The following NR4A3 variants were observed in gnomAD, a reference collection of about 807,000 sequenced individuals.
NR4A3 encodes the protein nuclear receptor subfamily 4 group A member 3, also known as chondrosarcoma, extraskeletal myxoid, fused to EWS.
NR4A3 carries 13 observed loss-of-function variants against 55.6 expected under a neutral mutation model. The ratio of observed to expected loss-of-function variants is 0.23; its 90% CI spans 0.15 to 0.37. The LOEUF is 0.37. NR4A3 is among the 10% of genes least tolerant of loss of function. NR4A3 has a pLI of 1.00. For synonymous variants in NR4A3, 342 were observed against 357.9 expected, an observed-to-expected ratio of 0.96 and a Z score of 0.50; for missense variants, 646 against 822.8, an observed-to-expected ratio of 0.79 and a Z score of 2.63.
At position 99,865,301 on chromosome 9, in the gene NR4A3, A is replaced by AATATAT. The variant is rs34711370; in HGVS notation, c.*1446_*1451dup. The AATATAT allele has an allele frequency of 3.7e-5, 6 of 163,964 alleles. No homozygotes were observed. Among genetic ancestry groups the AATATAT allele is most frequent in the African/African-American group, 1.2e-4 (5 of 40,832 alleles). 10.2% of individuals were successfully genotyped at this position (163,964 alleles called of 1,614,324 possible). ...ACACCAATTAGAAATTAAATAAGCAAATATATATATATATATAAATATAGC... is the reference window on the plus strand; with the variant it reads ...ACACCAATTAGAAATTAAATAAGCAAATATATATATATATATATATATAAATATAGC... On this transcript the variant is annotated 3_prime_UTR_variant, in exon 8 of 8. Transcript: ENST00000395097. This position sits in a 1 kb window ranked among gnomAD's most constrained non-coding sequence, Gnocchi z 4.3.
rs1827212569 is a variant in NR4A3, at chr9:99,822,991, A to G, written c.-177+584A>G. ...ACCTCAGGAAAGAGGGCGTAATTGT[A>G]GGAATGTGGCTTATTGTATTGAAAT... On this transcript the variant is annotated intron_variant, in intron 1 of 7. Coordinates refer to ENST00000395097, the MANE Select transcript of NR4A3 (RefSeq NM_006981.4). This position sits in a 1 kb window ranked among gnomAD's most constrained non-coding sequence, Gnocchi z 4.9. 6.6e-6 allele frequency among the ~76,000 whole-genome samples: 1 copy of G among 152,182 alleles called. No homozygotes were observed. The highest frequency in any genetic ancestry group is 2.4e-5 in the African/African-American group (1 of 41,448).
intron 7 of NR4A3, among the ~76,000 whole-genome samples, chr9:99,861,623 G>A (rs912413398): frequency 2.6e-5 from 4 of 152,160 alleles, no homozygotes; most frequent in Non-Finnish European, 5.9e-5. Context: ...CCCCAAAGTG[G>A]GAGGAACTTC....
chr9:99,860,415 C>T (rs1827992902), intron 7 of NR4A3, among the ~76,000 whole-genome samples: 1 of 152,122 alleles, frequency 6.6e-6, no homozygotes, highest in Admixed American at 6.5e-5. Flanking sequence ...TCCATGTATA[C>T]AGTTTTATTC....
chr9:99,837,428 C>T (rs1469448318), intron 5 of NR4A3, among the ~76,000 whole-genome samples: 1 of 152,136 alleles, frequency 6.6e-6, no homozygotes, highest in East Asian at 1.9e-4. Context: ...ATGTCGGTGA[C>T]AGAGTAGAGG....
At chr9:99,852,685 A>G (rs542595114) in intron 7 of NR4A3, among the ~76,000 whole-genome samples, 84 of 152,172 alleles carry the variant, frequency 5.5e-4, no homozygotes, top group Non-Finnish European at 9.3e-4. Context: ...CAGGTGAGAA[A>G]ATGACTCCTT....
At chr9:99,826,938 T>G (rs1827306822) in intron 2 of NR4A3, 4 of 606,588 alleles carry the variant, frequency 6.6e-6, no homozygotes, top group Non-Finnish European at 1.1e-5. Flanking sequence ...AAAACCGCCG[T>G]TTTTTACCAT....
At chr9:99,862,451 A>G (rs1360898488) in intron 7 of NR4A3, among the ~76,000 whole-genome samples, 1 of 149,990 alleles carries the variant, frequency 6.7e-6, no homozygotes, top group African/African-American at 2.5e-5. Context: ...AGGGTGAGGC[A>G]GGAGAATCGC....
chr9:99,828,879 G>T lies in NR4A3; in HGVS notation c.837G>T (p.Ser279=), dbSNP rs1827379678. The part of the protein sequence containing the change: ...SLLGESPSLP[S]PPSRSSSSGE... ...TGGGCGAGAGTCCCAGCCTGCCGTC[G>T]CCGCCCAGCAGGAGCTCGTCGTCTG... The change falls in exon 3 of 8, where the codon TCG becomes TCT. Residue 279 remains serine (S), a synonymous_variant. Transcript: ENST00000395097. The surrounding 1 kb of genome is among the most constrained non-coding windows in gnomAD (Gnocchi z 7.7). 6.7e-7 allele frequency: 1 copy of T among 1,501,626 alleles called. No individual in the cohort carries two copies. The highest frequency in any genetic ancestry group is 8.9e-7 in the Non-Finnish European group (1 of 1,129,398). The allele number at this position is 1,501,626 out of a possible 1,614,324, so 93.0% of individuals were successfully genotyped here.
chr9:99,831,309 A>G (rs1422600225), intron 3 of NR4A3, among the ~76,000 whole-genome samples: 1 of 152,360 alleles, frequency 6.6e-6, no homozygotes, highest in East Asian at 1.9e-4. Context: ...CACGTTTCCT[A>G]CCCTTACAGA....
chr9:99,829,064 G>A (rs903372283), intron 3 of NR4A3, 71 bp downstream of exon 3: 7 of 1,266,202 alleles, frequency 5.5e-6, no homozygotes, highest in Admixed American at 8.3e-5. Context: ...GTGAGTGTAG[G>A]AGCATCCTTG....
Position 99,828,188 on chromosome 9 carries a change from C to G in NR4A3, c.146C>G (p.Ala49Gly). Residue 49 changes from alanine (A) to glycine (G), a missense_variant, in exon 3 of 8, where the codon GCT (alanine) becomes GGT (glycine). By Grantham distance (60) the Ala-to-Gly change is moderately conservative. This residue lies in a region of NR4A3 where 426 missense variants were observed against 429.4 expected (regional missense o/e 0.99). Transcript: ENST00000395097. The surrounding 1 kb of genome is among the most constrained non-coding windows in gnomAD (Gnocchi z 7.7). Reference sequence around the variant, plus strand: ...GACCTTGGCAGCACTGAGATCACGGCTACAGCCACCACGTCCCTGCCCAGC... The same window carrying G: ...GACCTTGGCAGCACTGAGATCACGGGTACAGCCACCACGTCCCTGCCCAGC... ...TMDLGSTEITATATTSLPSIS... is the reference protein window; with the variant it reads ...TMDLGSTEITGTATTSLPSIS... 6.2e-7 allele frequency: 1 copy of G among 1,614,132 alleles called. No homozygotes were observed. Among genetic ancestry groups the G allele is most frequent in the Non-Finnish European group, 8.5e-7 (1 of 1,180,022 alleles).
At chr9:99,832,641 C>G (rs1587875511) in intron 3 of NR4A3, 48 bp from the exon 4 acceptor site, 2 of 1,471,854 alleles carry the variant, frequency 1.4e-6, no homozygotes, top group Non-Finnish European at 1.8e-6. Flanking sequence ...CAGGTCCTAC[C>G]TCTTTCCAGA....
At chr9:99,844,440 A>G (rs898318567) in intron 5 of NR4A3, among the ~76,000 whole-genome samples, 1 of 152,262 alleles carries the variant, frequency 6.6e-6, no homozygotes, top group African/African-American at 2.4e-5. Flanking sequence ...TTCCTTGTCT[A>G]TTAAGTGATA....
At chr9:99,846,183 G>A (rs1407981327) in intron 6 of NR4A3, among the ~76,000 whole-genome samples, 2 of 152,178 alleles carry the variant, frequency 1.3e-5, no homozygotes, top group Non-Finnish European at 2.9e-5. Context: ...AGATACATAC[G>A]TGGCAAGAGA....
chr9:99,865,308 A>AT lies in NR4A3; in HGVS notation c.*1442dup, dbSNP rs1200885176. On this transcript the variant is annotated 3_prime_UTR_variant, in exon 8 of 8. Transcript: ENST00000395097. This position sits in a 1 kb window ranked among gnomAD's most constrained non-coding sequence, Gnocchi z 4.3. ...TTAGAAATTAAATAAGCAAATATAT[A>AT]TATATATATAAATATAGCAGGTTAC... The AT allele has an allele frequency of 5.9e-6, 1 of 169,902 alleles. No homozygotes were observed. The highest frequency in any genetic ancestry group is 1.3e-5 in the Non-Finnish European group (1 of 78,448). The allele number at this position is 169,902 out of a possible 1,614,324, so 10.5% of individuals were successfully genotyped here.
chr9:99,855,747 C>A (rs906422592), intron 7 of NR4A3, among the ~76,000 whole-genome samples: 5 of 152,166 alleles, frequency 3.3e-5, no homozygotes, highest in Admixed American at 1.3e-4. Flanking sequence ...AGGGGTAGAG[C>A]TCCGAGTGGG....
At position 99,828,743 on chromosome 9, in the gene NR4A3, A is replaced by G; in HGVS notation, c.701A>G (p.Gln234Arg). Residue 234 changes from glutamine (Q) to arginine (R), a missense_variant, in exon 3 of 8, where the codon CAG becomes CGG. Transcript: ENST00000395097. This position sits in a 1 kb window ranked among gnomAD's most constrained non-coding sequence, Gnocchi z 7.7. ...PLGAAAAAGSQAAALESHPYG... is the reference protein window; with the variant it reads ...PLGAAAAAGSRAAALESHPYG... The stretch of plus-strand genomic sequence containing the variant: ...GGAGCCGCAGCCGCCGCGGGCAGCC[A>G]GGCCGCCGCGCTTGAGAGCCACCCG... 1 of 1,320,968 alleles carries G rather than the reference A, an allele frequency of 7.6e-7. No individual in the cohort carries two copies. The allele number at this position is 1,320,968 out of a possible 1,614,324, so 81.8% of individuals were successfully genotyped here.
At chr9:99,844,595 G>A in intron 5 of NR4A3, 54 bp from the exon 6 acceptor site, 1 of 1,461,660 alleles carries the variant, frequency 6.8e-7, no homozygotes. Flanking sequence ...TGCAAGTGAT[G>A]CCATCATCCC....
At chr9:99,823,196 G>GA (rs1161149088) in intron 1 of NR4A3, among the ~76,000 whole-genome samples, 1 of 152,132 alleles carries the variant, frequency 6.6e-6, no homozygotes, top group East Asian at 1.9e-4. Context: ...TTCACGGACA[G>GA]AACTCGCGCT....
Sources: allele counts gnomAD v4.1 joint callset (sites outside exome capture counted in the v4.1 genomes callset), GRCh38; gene constraint gnomAD v4.1.1; regional missense constraint gnomAD v4.1.1; non-coding constraint Gnocchi (gnomAD v3.1); transcripts MANE v1.5; gene names NCBI Gene and HGNC (gene_info 2026-07-23, HGNC 2026-07-21).